SCAP: variants seen among roughly 807,000 people sequenced by gnomAD.
The protein encoded by SCAP is SREBF chaperone.
A neutral mutation model predicts 123.6 loss-of-function variants in SCAP; 65 were observed. The ratio of observed to expected loss-of-function variants is 0.53; its 90% confidence interval spans 0.43 to 0.65. SCAP has a LOEUF of 0.65. SCAP is among the 30% of genes least tolerant of loss of function. The probability of loss-of-function intolerance (pLI) is 0.00; values close to 1 mark genes in which losing one functional copy is unlikely to be tolerated. For synonymous variants in SCAP, 740 were observed against 726.3 expected (o/e 1.02, Z -0.30); for missense variants, 1,398 against 1,712.5 (o/e 0.82, Z 3.24).
chr3:47,424,752 G>A (rs1458960427), intron 8 of SCAP, among the ~76,000 whole-genome samples: 2 of 152,152 alleles, frequency 1.3e-5, no homozygotes, highest in Non-Finnish European at 2.9e-5. Context: ...TAAGAGCAAC[G>A]AAACTACCAG....
chr3:47,431,097 G>A (rs1441686957), intron 3 of SCAP, among the ~76,000 whole-genome samples: 1 of 151,566 alleles, frequency 6.6e-6, no homozygotes, highest in African/African-American at 2.4e-5. Flanking sequence ...ATCACGCTCA[G>A]CCACTAGAAG....
At chr3:47,416,577 GTGCCA>G (rs1163943136) in intron 18 of SCAP, among the ~76,000 whole-genome samples, 1 of 148,476 alleles carries the variant, frequency 6.7e-6, no homozygotes, top group Admixed American at 6.7e-5. Context: ...AGGTCACCAT[GTGCCA>G]TGCCCTATTC....
chr3:47,422,582 G>A (rs1438894051), intron 9 of SCAP, 46 bp from the exon 10 acceptor site: 1 of 1,484,100 alleles, frequency 6.7e-7, no homozygotes, highest in Non-Finnish European at 9.3e-7. Flanking sequence ...TGGCCACTCT[G>A]CGACATGACT....
chr3:47,418,788 C>A lies in SCAP; in HGVS notation c.1996G>T (p.Ala666Ser). Residue 666 changes from alanine (A) to serine (S), a missense_variant, in exon 14 of 23, where the codon GCT becomes TCT. This residue lies in a region of SCAP where 828 missense variants were observed against 882.5 expected (regional missense o/e 0.94). Coordinates refer to ENST00000265565, the MANE Select transcript of SCAP (RefSeq NM_012235.4). ...PVTLRLNPREALEGRHPQDGR... is the reference protein window; with the variant it reads ...PVTLRLNPRESLEGRHPQDGR... ...TCCTGAGGGTGCCGGCCCTCCAGAG[C>A]CTCCCTCGGGTTCAGGCGGAGCGTG... 1 of 1,562,570 alleles carries A rather than the reference C, an allele frequency of 6.4e-7. No homozygotes were observed. The highest frequency in any genetic ancestry group is 8.6e-7 in the Non-Finnish European group (1 of 1,159,004).
intron 14 of SCAP, 29 bp downstream of exon 14, chr3:47,418,626 T>TTCCCCC: frequency 4.5e-5 from 66 of 1,459,312 alleles, no homozygotes; most frequent in Non-Finnish European, 6.1e-5. Context: ...CCGCACTCTT[T>TTCCCCC]CCCACCCCAC....
At chr3:47,453,132 C>A (rs916222473) in intron 1 of SCAP, among the ~76,000 whole-genome samples, 26 of 152,034 alleles carry the variant, frequency 1.7e-4, no homozygotes, top group African/African-American at 5.8e-4. Context: ...GATAGATATC[C>A]AAAACCACCA....
intron 1 of SCAP, chr3:47,470,005 C>T: frequency 6.0e-6 from 2 of 332,576 alleles, no homozygotes; most frequent in South Asian, 6.0e-5. Flanking sequence ...GGCATTCGAA[C>T]AAAATATCGT....
chr3:47,436,031 A>AT (rs1706565801), intron 2 of SCAP, among the ~76,000 whole-genome samples: 1 of 152,158 alleles, frequency 6.6e-6, no homozygotes, highest in Non-Finnish European at 1.5e-5. Flanking sequence ...CCTGGGCAAC[A>AT]TAAGACCCCT....
chr3:47,423,023 C>T (rs908473043), intron 9 of SCAP, among the ~76,000 whole-genome samples: 10 of 152,224 alleles, frequency 6.6e-5, no homozygotes, highest in Non-Finnish European at 1.2e-4. Context: ...ATCACACTGT[C>T]GCATGTCTAA....
At chr3:47,461,085 C>A (rs563332028) in intron 1 of SCAP, among the ~76,000 whole-genome samples, 29 of 152,264 alleles carry the variant, frequency 1.9e-4, no homozygotes, top group African/African-American at 6.0e-4. Flanking sequence ...TCTGTACCCC[C>A]TCCATGCCCA....
Position 47,419,338 on chromosome 3 carries a change from G to A in SCAP, c.1930C>T (p.Leu644=). The A allele has an allele frequency of 1.2e-6, 2 of 1,610,922 alleles. No individual in the cohort carries two copies. The highest frequency in any genetic ancestry group is 1.7e-6 in the Non-Finnish European group (2 of 1,178,368). ...CACGGCCCAGCTCACCTCTTGGCCA[G>A]TGTGATGTTGTAATAGCTGAAGAGC... ...PTLFSYYNIT[L]AKRYISLLPV... Residue 644 remains leucine, a synonymous_variant, in exon 13 of 23, where the codon CTG becomes TTG. Transcript: ENST00000265565. This position sits in a 1 kb window ranked among gnomAD's most constrained non-coding sequence, Gnocchi z 5.0.
At chr3:47,435,469 TACACACACACACACAC>T (rs57702290) in intron 2 of SCAP, among the ~76,000 whole-genome samples, 52 of 91,966 alleles carry the variant, frequency 5.7e-4, no homozygotes, top group Non-Finnish European at 7.8e-4. Flanking sequence ...AATATAAACA[TACACACACACACACAC>T]ACACACACAC....
At chr3:47,415,039 T>C in intron 19 of SCAP, 46 bp from the exon 20 acceptor site, 1 of 1,581,092 alleles carries the variant, frequency 6.3e-7, no homozygotes, top group Non-Finnish European at 8.6e-7. Context: ...AAGCAATGGG[T>C]AGACGGCCCC....
Position 47,415,088 on chromosome 3 carries a change from G to A in SCAP, c.3139+10C>T, listed in dbSNP as rs1467611114. On this transcript the variant is annotated intron_variant, in intron 19 of 22. Coordinates refer to ENST00000265565, the MANE Select transcript of SCAP (RefSeq NM_012235.4). ...AAGTGTGAACACCTGCCCACCCCAG[G>A]CCCTCCGACCTCTAAACTGCAGGGG... The A allele has an allele frequency of 2.5e-6, 4 of 1,597,144 alleles. No homozygotes were observed. The highest frequency in any genetic ancestry group is 3.4e-6 in the Non-Finnish European group (4 of 1,174,134).
chr3:47,458,011 G>A (rs527855056), intron 1 of SCAP, among the ~76,000 whole-genome samples: 34 of 152,306 alleles, frequency 2.2e-4, no homozygotes, highest in African/African-American at 7.9e-4. Flanking sequence ...AAAAAGGTCG[G>A]GCACGGTGGC....
At chr3:47,416,397 C>T (rs574689740) in intron 18 of SCAP, among the ~76,000 whole-genome samples, 12 of 152,316 alleles carry the variant, frequency 7.9e-5, no homozygotes, top group Non-Finnish European at 1.6e-4. Context: ...CAGCTGCCAG[C>T]GGCCAAGGAG....
intron 1 of SCAP, 51 bp from the exon 2 acceptor site, chr3:47,443,142 A>T (rs1451425805): frequency 6.5e-6 from 9 of 1,387,256 alleles, no homozygotes; most frequent in Non-Finnish European, 9.6e-7. Context: ...GGCTCTGCAC[A>T]CTAGGGCTGC....
Position 47,414,351 on chromosome 3 carries a change from G to C in SCAP, c.3423C>G (p.Ala1141=), listed in dbSNP as rs766784193. The C allele has an allele frequency of 3.1e-6, 5 of 1,612,994 alleles. No homozygotes were observed. In the South Asian group the frequency reaches 5.5e-5, roughly 18 times the overall value. ...MVLASGGQDG[A]ICLWDVLTGS... Reference sequence around the variant, plus strand: ...CAGTCAGTACATCCCACAGGCAGATGGCCCCATCTTGTCCTCCACTGGCCA... The same window carrying C: ...CAGTCAGTACATCCCACAGGCAGATCGCCCCATCTTGTCCTCCACTGGCCA... The change falls in exon 22 of 23, where the codon GCC becomes GCG. Residue 1141 remains alanine, a synonymous_variant. Transcript: ENST00000265565.
chr3:47,450,845 C>T (rs1477407923), intron 1 of SCAP, among the ~76,000 whole-genome samples: 1 of 121,868 alleles, frequency 8.2e-6, no homozygotes, highest in Non-Finnish European at 1.8e-5. Flanking sequence ...TCACTATAAG[C>T]ATTTATTTAT....
Sources: allele counts gnomAD v4.1 joint callset (sites outside exome capture counted in the v4.1 genomes callset), GRCh38; gene constraint gnomAD v4.1.1; regional missense constraint gnomAD v4.1.1; non-coding constraint Gnocchi (gnomAD v3.1); transcripts MANE v1.5; gene names NCBI Gene and HGNC (gene_info 2026-07-23, HGNC 2026-07-21).